Variants in HTR3B observed in about 807,000 individuals in gnomAD.
HTR3B encodes the protein 5-hydroxytryptamine (serotonin) receptor 3B, ionotropic.
Under a neutral mutation model 42.8 loss-of-function variants are expected in HTR3B, and 44 were observed. That is an observed-to-expected ratio of 1.03 (90% confidence interval 0.81 to 1.32). The LOEUF (loss-of-function observed/expected upper bound fraction) is 1.32. HTR3B is among the 40% of genes most tolerant of loss of function. The pLI is 0.00. For missense variants in HTR3B, 527 were observed against 536.5 expected (o/e 0.98, Z 0.17); for synonymous variants, 203 against 209.0 (o/e 0.97, Z 0.25).
intron 2 of HTR3B, among the ~76,000 whole-genome samples, chr11:113,910,349 T>A (rs1253006155): frequency 6.6e-6 from 1 of 152,164 alleles, no homozygotes; most frequent in Non-Finnish European, 1.5e-5. Context: ...CAAGTGATGA[T>A]CCTGATGGTT....
intron 2 of HTR3B, among the ~76,000 whole-genome samples, chr11:113,923,565 A>G (rs1479977403): frequency 6.6e-6 from 1 of 152,224 alleles, no homozygotes; most frequent in Non-Finnish European, 1.5e-5. Context: ...GGAAAAGATA[A>G]ATAAGAATGT....
intron 7 of HTR3B, 41 bp downstream of exon 7, chr11:113,943,233 C>T: frequency 6.7e-7 from 1 of 1,490,448 alleles, no homozygotes; most frequent in South Asian, 1.2e-5. Context: ...TCTTACATGA[C>T]CCCTGTGAAA....
At chr11:113,918,815 C>T (rs1377805742) in intron 2 of HTR3B, among the ~76,000 whole-genome samples, 1 of 152,122 alleles carries the variant, frequency 6.6e-6, no homozygotes, top group South Asian at 2.1e-4. Flanking sequence ...CGCCACCACA[C>T]CTGGCTAATT....
chr11:113,943,022 T>G lies in HTR3B; in HGVS notation c.737T>G (p.Leu246Arg), dbSNP rs779954110. The G allele has an allele frequency of 1.2e-6, 2 of 1,614,138 alleles. No homozygotes were observed. Among genetic ancestry groups the G allele is most frequent in the South Asian group, 1.1e-5 (1 of 91,084 alleles). ...RRHPLVYVVSLLIPSIFLMLV... is the reference protein window; with the variant it reads ...RRHPLVYVVSRLIPSIFLMLV... ...CACCCCCTGGTCTATGTCGTGAGTC[T>G]GCTGATTCCTAGCATCTTTCTCATG... The change falls in exon 7 of 9, where the codon CTG (leucine) becomes CGG (arginine). Residue 246 changes from leucine (L) to arginine (R), a missense_variant. Coordinates refer to ENST00000260191, the MANE Select transcript of HTR3B (RefSeq NM_006028.5).
chr11:113,932,256 C>T (rs375169840), intron 4 of HTR3B, 33 bp from the exon 5 acceptor site: 74 of 1,571,080 alleles, frequency 4.7e-5, no homozygotes, highest in Non-Finnish European at 6.3e-5. Flanking sequence ...AACATCCTCT[C>T]TGTGACAACA....
intron 3 of HTR3B, 50 bp from the exon 4 acceptor site, chr11:113,931,708 G>A (rs1248646258): frequency 4.8e-6 from 5 of 1,041,122 alleles, no homozygotes; most frequent in Non-Finnish European, 6.1e-6. Context: ...CTTTAGCGAA[G>A]TAGATATTGC....
At chr11:113,943,849 A>C (rs1950155749) in intron 7 of HTR3B, among the ~76,000 whole-genome samples, 1 of 151,562 alleles carries the variant, frequency 6.6e-6, no homozygotes, top group Admixed American at 6.6e-5. Context: ...AAGAGAGAAA[A>C]AGAAAGAGAG....
intron 1 of HTR3B, 49 bp from the exon 2 acceptor site, chr11:113,909,246 A>C: frequency 6.7e-7 from 1 of 1,503,172 alleles, no homozygotes; most frequent in Non-Finnish European, 9.3e-7. Context: ...CTCCTAAAGA[A>C]ACCAAGCTCC....
At chr11:113,915,764 C>T (rs2137496508) in intron 2 of HTR3B, among the ~76,000 whole-genome samples, 1 of 152,302 alleles carries the variant, frequency 6.6e-6, no homozygotes, top group East Asian at 1.9e-4. Flanking sequence ...TGGCTGTTAT[C>T]ATTTTGCATG....
chr11:113,935,038 ATGTG>A (rs1950078188), intron 6 of HTR3B, among the ~76,000 whole-genome samples: 2 of 151,318 alleles, frequency 1.3e-5, no homozygotes, highest in Non-Finnish European at 2.9e-5. Flanking sequence ...ACAGGCACAC[ATGTG>A]CACACACACA....
chr11:113,941,800 C>T (rs1389580208), intron 6 of HTR3B, among the ~76,000 whole-genome samples: 1 of 152,154 alleles, frequency 6.6e-6, no homozygotes, highest in Non-Finnish European at 1.5e-5. Flanking sequence ...ATCTGGCAGC[C>T]TCTGCACAGC....
intron 6 of HTR3B, among the ~76,000 whole-genome samples, chr11:113,941,256 AC>A (rs1336650468): frequency 6.6e-6 from 1 of 152,190 alleles, no homozygotes; most frequent in African/African-American, 2.4e-5. Flanking sequence ...TTTATTGAAT[AC>A]CCACTGTAAG....
chr11:113,930,487 CTTTTTT>C (rs528919776), intron 2 of HTR3B, among the ~76,000 whole-genome samples: 9 of 121,940 alleles, frequency 7.4e-5, no homozygotes, highest in Non-Finnish European at 1.4e-4. Flanking sequence ...TTTCTTTTCT[CTTTTTT>C]TTTTTTTTTT....
At position 113,946,082 on chromosome 11, in the gene HTR3B, TGG is replaced by T. The variant is rs1950175733; in HGVS notation, c.1274_1275del (p.Gly425AspfsTer30). On this transcript the variant is annotated frameshift_variant, in exon 9 of 9. Transcript: ENST00000260191. LOFTEE classifies it high-confidence loss of function. ...CTCTTCCAAAGCTACCTTTTCATGC[TGG>T]GGATCTACACCATCACTCTGTGCTC... 1.3e-6 allele frequency: 2 copies of T among 1,568,004 alleles called. No homozygotes were observed. Among genetic ancestry groups the T allele is most frequent in the African/African-American group, 1.5e-5 (1 of 67,278 alleles).
Position 113,933,011 on chromosome 11 carries a change from G to A in HTR3B, c.614G>A (p.Ser205Asn), listed in dbSNP as rs760822676. ...GACAAAAAGGCGTTTTTGAATGACA[G>A]TGAGTGGGAACTTCTATCTGTGTCC... ...QHDKKAFLNDSEWELLSVSST... is the reference protein window; with the variant it reads ...QHDKKAFLNDNEWELLSVSST... Residue 205 changes from serine (S) to asparagine (N), a missense_variant, in exon 6 of 9, where the codon AGT (serine) becomes AAT (asparagine). Ser to Asn is a conservative substitution (Grantham distance 46, BLOSUM62 1). Transcript: ENST00000260191. 4 of 1,614,174 alleles carry A rather than the reference G, an allele frequency of 2.5e-6. No individual in the cohort carries two copies. The South Asian group carries it at 4.4e-5, about 18-fold the overall frequency.
intron 2 of HTR3B, among the ~76,000 whole-genome samples, chr11:113,914,193 C>T (rs919492881): frequency 1.2e-4 from 18 of 152,004 alleles, no homozygotes; most frequent in African/African-American, 2.9e-4. Context: ...ATTGGCTGGG[C>T]GCAGTGGCTT....
chr11:113,929,948 G>A (rs1284566582), intron 2 of HTR3B, among the ~76,000 whole-genome samples: 1 of 152,072 alleles, frequency 6.6e-6, no homozygotes, highest in Non-Finnish European at 1.5e-5. Context: ...TAGCCAGGAT[G>A]GTCTCCATCT....
chr11:113,930,215 G>A (rs1171963452), intron 2 of HTR3B, among the ~76,000 whole-genome samples: 1 of 152,068 alleles, frequency 6.6e-6, no homozygotes, highest in East Asian at 1.9e-4. Context: ...TTTAATTTTG[G>A]TGAAGTCTCA....
upstream of HTR3B, among the ~76,000 whole-genome samples, chr11:113,904,397 T>C (rs1384809102): frequency 6.6e-6 from 1 of 152,248 alleles, no homozygotes; most frequent in East Asian, 1.9e-4. Flanking sequence ...GCAGTTGTTC[T>C]TCATTAGACA....
Sources: allele counts gnomAD v4.1 joint callset (sites outside exome capture counted in the v4.1 genomes callset), GRCh38; gene constraint gnomAD v4.1.1; transcripts MANE v1.5; gene names NCBI Gene and HGNC (gene_info 2026-07-23, HGNC 2026-07-21).